GRK5: variants seen among roughly 807,000 people sequenced by gnomAD.
GRK5 encodes the protein g protein-coupled receptor kinase GRK5.
Under a neutral mutation model 78.4 loss-of-function variants are expected in GRK5, and 40 were observed. That is an observed-to-expected ratio of 0.51 (90% CI 0.40 to 0.66). GRK5 has a LOEUF of 0.66. Among genes scored for constraint, GRK5 ranks in the 30% least tolerant of loss-of-function variants. The pLI, the probability that GRK5 is intolerant of heterozygous loss-of-function variation, is 0.00. For synonymous variants in GRK5, 289 were observed against 296.8 expected (o/e 0.97, Z 0.27); for missense variants, 598 against 759.9 (o/e 0.79, Z 2.50).
intron 15 of GRK5, among the ~76,000 whole-genome samples, chr10:119,454,544 C>A (rs1853363445): frequency 6.6e-6 from 1 of 152,218 alleles, no homozygotes; most frequent in African/African-American, 2.4e-5. Context: ...CCGGCCCTCG[C>A]TAGAGCCCTT....
intron 2 of GRK5, among the ~76,000 whole-genome samples, chr10:119,326,973 G>T (rs1452904394): frequency 6.6e-6 from 1 of 152,224 alleles, no homozygotes; most frequent in Admixed American, 6.5e-5. Flanking sequence ...TGGGAGGGTG[G>T]TGGAGGTGGG....
In GRK5 at chr10:119,296,821, G is replaced by A. The variant is rs574233812; in HGVS notation, c.53-29695G>A. 2.4e-3 allele frequency among the ~76,000 whole-genome samples: 366 copies of A among 152,300 alleles called. 2 individuals carry two copies. Among genetic ancestry groups the A allele is most frequent in the Non-Finnish European group, 4.2e-3 (287 of 68,028 alleles). On this transcript the variant is annotated intron_variant, in intron 1 of 15. Coordinates refer to ENST00000392870, the MANE Select transcript of GRK5 (RefSeq NM_005308.3). Reference sequence around the variant, plus strand: ...AAAGCTGCCAGAAGTGAGGTGACTCGTCCACAAGCAGCACGTTCTGTGGAC... The same window carrying A: ...AAAGCTGCCAGAAGTGAGGTGACTCATCCACAAGCAGCACGTTCTGTGGAC...
intron 1 of GRK5, among the ~76,000 whole-genome samples, chr10:119,216,460 G>C (rs1299515533): frequency 6.6e-6 from 1 of 152,146 alleles, no homozygotes; most frequent in East Asian, 1.9e-4. Flanking sequence ...CCTGTCCTCT[G>C]TTTCCGGCAT....
At chr10:119,299,756 T>A (rs930316635) in intron 1 of GRK5, among the ~76,000 whole-genome samples, 2 of 151,680 alleles carry the variant, frequency 1.3e-5, no homozygotes, top group African/African-American at 4.9e-5. Flanking sequence ...GGCTCTTGGC[T>A]CCCCCTGCAG....
At chr10:119,352,533 A>G (rs1010385307) in intron 2 of GRK5, among the ~76,000 whole-genome samples, 18 of 152,206 alleles carry the variant, frequency 1.2e-4, no homozygotes, top group Non-Finnish European at 5.9e-5. Flanking sequence ...TGAAGCTGTA[A>G]AGGAGACTGC....
intron 5 of GRK5, among the ~76,000 whole-genome samples, chr10:119,423,658 C>T (rs905938372): frequency 2.0e-5 from 3 of 152,190 alleles, no homozygotes; most frequent in Admixed American, 6.5e-5. Flanking sequence ...GCAGGTGGCA[C>T]GTCTGCCGTG....
chr10:119,341,763 C>G (rs1284928639), intron 2 of GRK5, among the ~76,000 whole-genome samples: 1 of 152,136 alleles, frequency 6.6e-6, no homozygotes, highest in African/African-American at 2.4e-5. Context: ...TTGTTCTCCC[C>G]TGGAGATGGA....
Position 119,431,780 on chromosome 10 carries a change from C to T in GRK5, c.738+253C>T, listed in dbSNP as rs967259049. On this transcript the variant is annotated intron_variant, in intron 8 of 15. Transcript: ENST00000392870. The surrounding 1 kb of genome is among the most constrained non-coding windows in gnomAD (Gnocchi z 4.8). ...GGCTCCCTGCTGTGCATGAGACCGA[C>T]GCCTCTGTTCTCCTGGACCACTTTG... Among the ~76,000 whole-genome samples, 23 of 152,214 alleles carry T rather than the reference C, an allele frequency of 1.5e-4. No individual in the cohort carries two copies. The highest frequency in any genetic ancestry group is 4.8e-4 in the African/African-American group (20 of 41,456).
chr10:119,316,740 T>C (rs750344764), intron 1 of GRK5, among the ~76,000 whole-genome samples: 21 of 152,248 alleles, frequency 1.4e-4, no homozygotes, highest in Admixed American at 4.6e-4. Flanking sequence ...GGCACATTGG[T>C]GTGTGATTAC....
chr10:119,322,987 G>A (rs1276984857), intron 1 of GRK5, among the ~76,000 whole-genome samples: 1 of 152,176 alleles, frequency 6.6e-6, no homozygotes, highest in Non-Finnish European at 1.5e-5. Context: ...AACAAATGAA[G>A]TTCTGACACA....
At chr10:119,277,159 G>C (rs1849684456) in intron 1 of GRK5, among the ~76,000 whole-genome samples, 1 of 152,068 alleles carries the variant, frequency 6.6e-6, no homozygotes. Context: ...TGGCTGATTG[G>C]GATTCTCTTG....
chr10:119,425,148 T>A (rs1203191125), intron 6 of GRK5, 63 bp downstream of exon 6: 1 of 1,235,584 alleles, frequency 8.1e-7, no homozygotes, highest in East Asian at 2.3e-5. Flanking sequence ...CATCTGAGAA[T>A]TCATATAAAA....
rs1164180073 is a variant in GRK5 at position 119,412,815 on chromosome 10, T to C, written c.340-10351T>C. Among the ~76,000 whole-genome samples the C allele has an allele frequency of 2.0e-5, 3 of 152,036 alleles. No individual in the cohort carries two copies. Among genetic ancestry groups the C allele is most frequent in the African/African-American group, 4.8e-5 (2 of 41,364 alleles). On this transcript the variant is annotated intron_variant, in intron 4 of 15. Transcript: ENST00000392870. The surrounding 1 kb of genome is among the most constrained non-coding windows in gnomAD (Gnocchi z 4.3). ...GAGCATGTTTAATTGCAAGCCAGGG[T>C]TTAGGGTTGGAACAGCCCCCATTCG...
At chr10:119,339,621 C>T (rs187490617) in intron 2 of GRK5, among the ~76,000 whole-genome samples, 55 of 152,204 alleles carry the variant, frequency 3.6e-4, no homozygotes, top group African/African-American at 1.2e-3. Context: ...TAGCTAGGCT[C>T]GGTGGCTCAC....
chr10:119,334,082 G>A (rs1850830877), intron 2 of GRK5, among the ~76,000 whole-genome samples: 1 of 152,270 alleles, frequency 6.6e-6, no homozygotes. Flanking sequence ...AGGACTGTGA[G>A]TGGCAGCCAT....
At chr10:119,296,483 T>C (rs1025146122) in intron 1 of GRK5, among the ~76,000 whole-genome samples, 1 of 152,196 alleles carries the variant, frequency 6.6e-6, no homozygotes, top group Non-Finnish European at 1.5e-5. Flanking sequence ...TGCCACAAAG[T>C]TCTGCTGCAG....
intron 8 of GRK5, among the ~76,000 whole-genome samples, chr10:119,434,009 G>A (rs946481234): frequency 1.3e-5 from 2 of 152,216 alleles, no homozygotes; most frequent in Non-Finnish European, 2.9e-5. Context: ...TTACATGGCG[G>A]TGGCAAGAGA....
intron 1 of GRK5, among the ~76,000 whole-genome samples, chr10:119,235,502 A>G (rs1848909574): frequency 6.6e-6 from 1 of 152,168 alleles, no homozygotes; most frequent in Admixed American, 6.5e-5. Flanking sequence ...CTGTGTCCCA[A>G]GTGCTGCAGA....
chr10:119,335,432 T>G (rs1449446861), intron 2 of GRK5, among the ~76,000 whole-genome samples: 1 of 152,034 alleles, frequency 6.6e-6, no homozygotes, highest in African/African-American at 2.4e-5. Context: ...GGTGTAATCT[T>G]GGCTCATTGC....
Sources: allele counts gnomAD v4.1 joint callset (sites outside exome capture counted in the v4.1 genomes callset), GRCh38; gene constraint gnomAD v4.1.1; non-coding constraint Gnocchi (gnomAD v3.1); transcripts MANE v1.5; gene names NCBI Gene and HGNC (gene_info 2026-07-23, HGNC 2026-07-21).